IP6K1: variants seen among roughly 807,000 people sequenced by gnomAD.
IP6K1 encodes the protein inositol hexakisphosphate kinase 1.
A neutral mutation model predicts 38.3 loss-of-function variants in IP6K1; 13 were observed. The observed-to-expected ratio is 0.34, with a 90% CI of 0.22 to 0.54. IP6K1 has a LOEUF of 0.54. Ranked by LOEUF, IP6K1 falls within the 20% of genes least tolerant of loss-of-function variation. IP6K1 has a pLI of 0.92. For missense variants in IP6K1, 397 were observed against 599.8 expected (o/e 0.66, Z 3.53); for synonymous variants, 212 against 229.9 (o/e 0.92, Z 0.70).
intron 1 of IP6K1, among the ~76,000 whole-genome samples, chr3:49,771,258 G>C (rs1420921628): frequency 1.4e-5 from 2 of 147,400 alleles, no homozygotes; most frequent in Non-Finnish European, 3.0e-5. Context: ...AGCTACTTGA[G>C]AGGATGAGGC....
At chr3:49,730,144 C>T (rs989123273) in intron 4 of IP6K1, among the ~76,000 whole-genome samples, 28 of 151,990 alleles carry the variant, frequency 1.8e-4, no homozygotes, top group African/African-American at 6.8e-4. Flanking sequence ...CTGCCCACCT[C>T]GGCCTCCCAA....
chr3:49,731,756 C>T (rs1193230935), intron 4 of IP6K1, among the ~76,000 whole-genome samples: 2 of 151,876 alleles, frequency 1.3e-5, no homozygotes, highest in South Asian at 2.1e-4. Context: ...GGCGTGGTGG[C>T]GCACGCCTGT....
At chr3:49,783,737 A>G (rs888351510) in intron 1 of IP6K1, among the ~76,000 whole-genome samples, 2 of 151,818 alleles carry the variant, frequency 1.3e-5, no homozygotes, top group African/African-American at 4.8e-5. Context: ...AGAAAGAAAG[A>G]AAAGCTAATA....
chr3:49,773,334 G>T (rs1205394867), intron 1 of IP6K1, among the ~76,000 whole-genome samples: 7 of 152,186 alleles, frequency 4.6e-5, no homozygotes, highest in Non-Finnish European at 1.5e-5. Flanking sequence ...ATACTGGCCG[G>T]GCGCGGTGGC....
chr3:49,755,988 T>G lies in IP6K1; in HGVS notation c.-128-7820A>C, dbSNP rs374968247. On this transcript the variant is annotated intron_variant, in intron 1 of 5. Transcript: ENST00000321599. ...ACATAGGGAGTGTTCTTCATGTAAG[T>G]AGGGCTGTCAACCCTACTTGGAACC... is the stretch of plus-strand genomic sequence containing the variant. Among the ~76,000 whole-genome samples the G allele has an allele frequency of 4.6e-5, 7 of 152,278 alleles. No homozygotes were observed. In the East Asian group the frequency reaches 9.6e-4, roughly 21 times the overall value.
At chr3:49,770,110 G>C (rs1216874120) in intron 1 of IP6K1, among the ~76,000 whole-genome samples, 1 of 152,080 alleles carries the variant, frequency 6.6e-6, no homozygotes, top group Non-Finnish European at 1.5e-5. Context: ...GAGTTGGGAG[G>C]ATCACTCAAG....
chr3:49,741,364 A>G (rs1054642869), intron 2 of IP6K1, among the ~76,000 whole-genome samples: 2 of 152,168 alleles, frequency 1.3e-5, no homozygotes, highest in Non-Finnish European at 2.9e-5. Context: ...GTAAAATAAG[A>G]TACCTGGTAT....
At chr3:49,734,968 C>A (rs182976784) in intron 3 of IP6K1, among the ~76,000 whole-genome samples, 2 of 152,196 alleles carry the variant, frequency 1.3e-5, no homozygotes, top group African/African-American at 2.4e-5. Context: ...TGGACACAGG[C>A]GGACAGTGAT....
chr3:49,782,626 ACCC>A (rs984821172), intron 1 of IP6K1, among the ~76,000 whole-genome samples: 1 of 151,792 alleles, frequency 6.6e-6, no homozygotes, highest in East Asian at 1.9e-4. Context: ...ACATAGTGAG[ACCC>A]CCATCTCTAC....
At chr3:49,735,402 C>T (rs2108226469) in intron 3 of IP6K1, among the ~76,000 whole-genome samples, 1 of 152,262 alleles carries the variant, frequency 6.6e-6, no homozygotes, top group Middle Eastern at 3.4e-3. Context: ...AAGCGCTGTT[C>T]AGAGAGAACC....
At chr3:49,770,047 A>G (rs921114070) in intron 1 of IP6K1, among the ~76,000 whole-genome samples, 4 of 151,960 alleles carry the variant, frequency 2.6e-5, no homozygotes, top group African/African-American at 9.7e-5. Context: ...CAAAACATAG[A>G]AAAAACTAGC....
chr3:49,748,604 G>A (rs2080744561), intron 1 of IP6K1, among the ~76,000 whole-genome samples: 1 of 152,164 alleles, frequency 6.6e-6, no homozygotes, highest in Non-Finnish European at 1.5e-5. Context: ...CTCAGAGGAA[G>A]GGTTTCTGTC....
At chr3:49,758,314 CAAAAAAAAA>C (rs11359274) in intron 1 of IP6K1, among the ~76,000 whole-genome samples, 1 of 54,404 alleles carries the variant, frequency 1.8e-5, no homozygotes, top group Non-Finnish European at 3.3e-5. Flanking sequence ...GACTCCATCT[CAAAAAAAAA>C]AAAAAAAAAA....
intron 1 of IP6K1, among the ~76,000 whole-genome samples, chr3:49,758,817 A>G (rs190520281): frequency 6.6e-6 from 1 of 152,132 alleles, no homozygotes; most frequent in African/African-American, 2.4e-5. Context: ...CAAATATAGC[A>G]GGTGTGGTGG....
At chr3:49,775,525 G>C (rs1199055659) in intron 1 of IP6K1, 2 of 1,014,594 alleles carry the variant, frequency 2.0e-6, no homozygotes, top group African/African-American at 1.6e-5. Context: ...GAGAAGGATA[G>C]AGATGGCTGC....
At chr3:49,739,628 C>T (rs982948206) in intron 2 of IP6K1, among the ~76,000 whole-genome samples, 1 of 152,080 alleles carries the variant, frequency 6.6e-6, no homozygotes, top group Non-Finnish European at 1.5e-5. Context: ...GCTGGGATTA[C>T]AGGCGTGAGC....
At chr3:49,745,451 G>C (rs2080712049) in intron 2 of IP6K1, among the ~76,000 whole-genome samples, 1 of 152,200 alleles carries the variant, frequency 6.6e-6, no homozygotes, top group South Asian at 2.1e-4. Flanking sequence ...GGCCAGTCAT[G>C]GTGGCTCACA....
chr3:49,767,471 T>C (rs992805202), intron 1 of IP6K1, among the ~76,000 whole-genome samples: 3 of 151,982 alleles, frequency 2.0e-5, no homozygotes, highest in African/African-American at 7.3e-5. Context: ...TCCCAGGTAC[T>C]CGGGGGGCTA....
intron 1 of IP6K1, among the ~76,000 whole-genome samples, chr3:49,757,803 A>G (rs1035891911): frequency 2.0e-5 from 3 of 152,166 alleles, no homozygotes. Context: ...CGCTAATTTC[A>G]ATTATCTATA....
Sources: allele counts gnomAD v4.1 joint callset (sites outside exome capture counted in the v4.1 genomes callset), GRCh38; gene constraint gnomAD v4.1.1; transcripts MANE v1.5; gene names NCBI Gene and HGNC (gene_info 2026-07-23, HGNC 2026-07-21).